KMT2A: variants seen among roughly 807,000 people sequenced by gnomAD.
KMT2A encodes the protein lysine methyltransferase 2A, also known as histone-lysine N-methyltransferase 2A.
Under a neutral mutation model 345.3 loss-of-function variants are expected in KMT2A, and 16 were observed. That is an observed-to-expected ratio of 0.05 (90% CI 0.03 to 0.07). The LOEUF (loss-of-function observed/expected upper bound fraction) is 0.07, where lower values mean the gene tolerates loss of function less well. KMT2A is among the 10% of genes least tolerant of loss of function. KMT2A has a pLI of 1.00. For synonymous variants in KMT2A, 1,599 were observed against 1,778.6 expected, an observed-to-expected ratio of 0.90 and a Z score of 2.54; for missense variants, 3,272 against 4,841.6, an observed-to-expected ratio of 0.68 and a Z score of 9.62.
Position 118,490,309 on chromosome 11 carries a change from A to G in KMT2A, c.4696+60A>G. The G allele has an allele frequency of 6.8e-7, 1 of 1,477,360 alleles. No individual in the cohort carries two copies. Among genetic ancestry groups the G allele is most frequent in the East Asian group, 2.4e-5 (1 of 41,372 alleles). 91.5% of individuals were successfully genotyped at this position (1,477,360 alleles called of 1,614,324 possible). On this transcript the variant is annotated intron_variant, in intron 13 of 35. Coordinates refer to ENST00000534358, the MANE Select transcript of KMT2A (RefSeq NM_001197104.2). This position sits in a 1 kb window ranked among gnomAD's most constrained non-coding sequence, Gnocchi z 4.2. ...GGTTGTACTTGGTGTTCTGGAGGTG[A>G]ACTAGACTCTAGTGAAATGAAATAA...
chr11:118,437,274 C>A (rs1006166743), intron 1 of KMT2A, among the ~76,000 whole-genome samples: 1 of 151,864 alleles, frequency 6.6e-6, no homozygotes, highest in African/African-American at 2.4e-5. Flanking sequence ...TTACCTCATC[C>A]GAGCAAGATT....
chr11:118,449,109 G>T (rs1357611888), intron 1 of KMT2A: 1 of 151,900 alleles, frequency 6.6e-6, no homozygotes, highest in Non-Finnish European at 1.5e-5. Context: ...TTTTTAATAG[G>T]TTAATGCCAC....
In KMT2A at chr11:118,494,643, G is replaced by T. The variant is rs1555043429; in HGVS notation, c.5290-51G>T. The T allele has an allele frequency of 1.4e-6, 2 of 1,453,324 alleles. No individual in the cohort carries two copies. The highest frequency in any genetic ancestry group is 4.5e-5 in the East Asian group (2 of 43,998). 90.0% of individuals were successfully genotyped at this position (1,453,324 alleles called of 1,614,324 possible). On this transcript the variant is annotated intron_variant, in intron 17 of 35. Coordinates refer to ENST00000534358, the MANE Select transcript of KMT2A (RefSeq NM_001197104.2). The surrounding 1 kb of genome is among the most constrained non-coding windows in gnomAD (Gnocchi z 5.8). ...AGCTGGTTTGAAGATTTTTCATGTG[G>T]TATCTAAATGAGTGTTTACATATTT...
intron 31 of KMT2A, among the ~76,000 whole-genome samples, chr11:118,514,879 C>T (rs1555051186): frequency 1.3e-5 from 2 of 152,098 alleles, no homozygotes; most frequent in East Asian, 1.9e-4. Context: ...GTAATCTGCC[C>T]GCCTCAGCCT....
At position 118,498,503 on chromosome 11, in the gene KMT2A, G is replaced by A. The variant is rs782785673; in HGVS notation, c.5936G>A (p.Arg1979Gln). 5.0e-6 allele frequency: 8 copies of A among 1,610,224 alleles called. No individual in the cohort carries two copies. Among genetic ancestry groups the A allele is most frequent in the South Asian group, 1.1e-5 (1 of 90,638 alleles). The change falls in exon 22 of 36, where the codon CGA (arginine) becomes CAA (glutamine). Residue 1979 changes from arginine (R) to glutamine (Q), a missense_variant. Coordinates refer to ENST00000534358, the MANE Select transcript of KMT2A (RefSeq NM_001197104.2). The surrounding 1 kb of genome is among the most constrained non-coding windows in gnomAD (Gnocchi z 4.4). ...GATGATAAAAAAGTATATTGCCAAC[G>A]ACATCGGGATTTGATCAAAGGCGAA... ...FLDDKKVYCQ[R>Q]HRDLIKGEVV... is the part of the protein sequence containing the mutation.
chr11:118,521,117 T>C lies in KMT2A; in HGVS notation c.11514-171T>C. On this transcript the variant is annotated intron_variant, in intron 34 of 35. Transcript: ENST00000534358. This position sits in a 1 kb window ranked among gnomAD's most constrained non-coding sequence, Gnocchi z 5.3. The stretch of plus-strand genomic sequence containing the variant: ...GCGGGTCACAGAATGGAAATAACTT[T>C]CATCTTTGGCCATGTGTTAGATGGC... The C allele has an allele frequency of 1.4e-6, 1 of 716,868 alleles. No individual in the cohort carries two copies. Among genetic ancestry groups the C allele is most frequent in the Non-Finnish European group, 2.3e-6 (1 of 425,560 alleles). 44.4% of individuals were successfully genotyped at this position (716,868 alleles called of 1,614,324 possible). A position where few individuals can be genotyped will look rare whatever the true frequency, so the allele number is the denominator to read the frequency against.
chr11:118,514,122 C>G (rs1950753855), intron 31 of KMT2A, among the ~76,000 whole-genome samples: 1 of 152,130 alleles, frequency 6.6e-6, no homozygotes, highest in African/African-American at 2.4e-5. Flanking sequence ...CCCTCAGAGT[C>G]TCCAGAGGTG....
intron 29 of KMT2A, 123 bp from the exon 30 acceptor site, chr11:118,509,825 G>A: frequency 1.4e-6 from 1 of 690,244 alleles, no homozygotes; most frequent in Non-Finnish European, 2.2e-6. Flanking sequence ...CTATAAATGG[G>A]AATAATAAAC....
At chr11:118,482,887 T>G (rs1950161316) in intron 8 of KMT2A, among the ~76,000 whole-genome samples, 1 of 152,080 alleles carries the variant, frequency 6.6e-6, no homozygotes, top group Non-Finnish European at 1.5e-5. Flanking sequence ...GAGCTATGAT[T>G]GTACCACTGC....
chr11:118,499,073 G>A (rs1363030647), intron 22 of KMT2A, among the ~76,000 whole-genome samples: 7 of 152,004 alleles, frequency 4.6e-5, no homozygotes, highest in Admixed American at 1.3e-4. Context: ...GAATTATTTC[G>A]AAATGCAAAA....
intron 1 of KMT2A, among the ~76,000 whole-genome samples, chr11:118,464,893 C>T (rs1949814372): frequency 6.6e-6 from 1 of 152,192 alleles, no homozygotes; most frequent in Non-Finnish European, 1.5e-5. Flanking sequence ...ATGATAGCAT[C>T]AGCTTATTTG....
rs1328637397 is a variant in KMT2A at position 118,476,120 on chromosome 11, G to T, written c.3157-685G>T. Among the ~76,000 whole-genome samples the T allele has an allele frequency of 6.6e-6, 1 of 152,034 alleles. No homozygotes were observed. The highest frequency in any genetic ancestry group is 1.5e-5 in the Non-Finnish European group (1 of 68,016). On this transcript the variant is annotated intron_variant, in intron 3 of 35. Transcript: ENST00000534358. This position sits in a 1 kb window ranked among gnomAD's most constrained non-coding sequence, Gnocchi z 4.1. Reference sequence around the variant, plus strand: ...GGGTTTCTCCATGTTGGTCAGGCTGGTCTCAAACTCCCGACCTCAGGTGAT... The same window carrying T: ...GGGTTTCTCCATGTTGGTCAGGCTGTTCTCAAACTCCCGACCTCAGGTGAT...
chr11:118,521,479 AC>A lies in KMT2A; in HGVS notation c.11643+66del. Reference sequence around the variant, plus strand: ...TTTGCTGTAGAAAGGGACCAGTATGACCCCTGGATCACAAAAGAAATAGTGT... The same window carrying A: ...TTTGCTGTAGAAAGGGACCAGTATGACCCTGGATCACAAAAGAAATAGTGT... On this transcript the variant is annotated intron_variant, in intron 35 of 35. Transcript: ENST00000534358. The surrounding 1 kb of genome is among the most constrained non-coding windows in gnomAD (Gnocchi z 5.3). 3 of 1,558,632 alleles carry A rather than the reference AC, an allele frequency of 1.9e-6. No individual in the cohort carries two copies. The highest frequency in any genetic ancestry group is 1.2e-5 in the South Asian group (1 of 86,564).
chr11:118,524,106 G>C lies in KMT2A; in HGVS notation c.*1934G>C, dbSNP rs1555054643. 5.4e-6 allele frequency: 1 copy of C among 186,346 alleles called. No homozygotes were observed. The highest frequency in any genetic ancestry group is 1.1e-5 in the Non-Finnish European group (1 of 87,890). 11.5% of individuals were successfully genotyped at this position (186,346 alleles called of 1,614,324 possible). A position where few individuals can be genotyped will look rare whatever the true frequency, so the allele number is the denominator to read the frequency against. Reference sequence around the variant, plus strand: ...TTTTGCATCACCATCTGCCTCATAGGCCACTCTTTCCTTTCCCTCTGCCCA... The same window carrying C: ...TTTTGCATCACCATCTGCCTCATAGCCCACTCTTTCCTTTCCCTCTGCCCA... On this transcript the variant is annotated 3_prime_UTR_variant, in exon 36 of 36. Coordinates refer to ENST00000534358, the MANE Select transcript of KMT2A (RefSeq NM_001197104.2).
At chr11:118,483,119 G>T (rs1310335430) in intron 8 of KMT2A, among the ~76,000 whole-genome samples, 1 of 151,532 alleles carries the variant, frequency 6.6e-6, no homozygotes, top group Non-Finnish European at 1.5e-5. Context: ...TGTAATCCTA[G>T]CTACTTGGGA....
chr11:118,489,231 CA>C (rs11412289), intron 11 of KMT2A, among the ~76,000 whole-genome samples: 2,082 of 90,588 alleles, frequency 0.023, 34 homozygotes, highest in African/African-American at 0.087. Context: ...GACTCCATCT[CA>C]AAAAAAAAAA....
At chr11:118,439,158 C>CAAAA (rs34166714) in intron 1 of KMT2A, 30 of 267,090 alleles carry the variant, frequency 1.1e-4, no homozygotes, top group Middle Eastern at 6.4e-4. Context: ...GATACAGCAG[C>CAAAA]AAAAAAAAAA....
Position 118,505,997 on chromosome 11 carries a change from A to G in KMT2A, c.10105A>G (p.Asn3369Asp), listed in dbSNP as rs1276941303. Residue 3369 changes from asparagine to aspartate, a missense_variant, in exon 27 of 36, where the codon AAC becomes GAC. Transcript: ENST00000534358. This position sits in a 1 kb window ranked among gnomAD's most constrained non-coding sequence, Gnocchi z 4.6. ...AGTTCCAGGACACGTCACCTTAACCAACCCAAGGTTGCTTGGTACCCCAGA... is the reference window on the plus strand; with the variant it reads ...AGTTCCAGGACACGTCACCTTAACCGACCCAAGGTTGCTTGGTACCCCAGA... ...ASVPGHVTLT[N>D]PRLLGTPDIG... is the part of the protein sequence containing the mutation. The G allele has an allele frequency of 1.2e-6, 2 of 1,614,052 alleles. No homozygotes were observed. The highest frequency in any genetic ancestry group is 1.3e-5 in the African/African-American group (1 of 74,914).
chr11:118,514,246 C>G (rs1032114468), intron 31 of KMT2A, among the ~76,000 whole-genome samples: 3 of 152,238 alleles, frequency 2.0e-5, no homozygotes, highest in African/African-American at 7.2e-5. Flanking sequence ...CCATGTTAAA[C>G]ACAGGATACA....
Sources: allele counts gnomAD v4.1 joint callset (sites outside exome capture counted in the v4.1 genomes callset), GRCh38; gene constraint gnomAD v4.1.1; non-coding constraint Gnocchi (gnomAD v3.1); transcripts MANE v1.5; gene names NCBI Gene and HGNC (gene_info 2026-07-23, HGNC 2026-07-21).